The following XKR9 variants were observed in gnomAD, a reference collection of about 807,000 sequenced individuals.
The protein encoded by XKR9 is XK related 9.
A neutral mutation model predicts 32.0 loss-of-function variants in XKR9; 32 were observed. The ratio of observed to expected loss-of-function variants is 1.00; its 90% confidence interval spans 0.76 to 1.34. The LOEUF (loss-of-function observed/expected upper bound fraction) is 1.34, where lower values mean the gene tolerates loss of function less well. Ranked by LOEUF, XKR9 falls within the 40% of genes most tolerant of loss-of-function variation. The pLI is 0.00. For synonymous variants in XKR9, 168 were observed against 143.4 expected (o/e 1.17, Z -1.22); for missense variants, 546 against 429.7 (o/e 1.27, Z -2.39).
At chr8:70,739,014 C>G (rs1243821976), downstream of XKR9, among the ~76,000 whole-genome samples, 2 of 152,120 alleles carry the variant, frequency 1.3e-5, no homozygotes, top group Non-Finnish European at 2.9e-5. Flanking sequence ...AGTTCAATTC[C>G]TGGGTATCCT....
rs926129988 is a variant in XKR9, at chr8:70,760,485, G to A, written n.353-28854G>A. On this transcript the variant is annotated intron_variant and non_coding_transcript_variant, in intron 2 of 3. Coordinates refer to the XKR9 transcript ENST00000520273. Reference sequence around the variant, plus strand: ...TAGTCACTATGCCTTTTTTATTGGGGTAAAATATATGCAACATAAAACGTA... The same window carrying A: ...TAGTCACTATGCCTTTTTTATTGGGATAAAATATATGCAACATAAAACGTA... Among the ~76,000 whole-genome samples the A allele has an allele frequency of 1.1e-4, 16 of 152,068 alleles. 1 individual carries two copies. The highest frequency in any genetic ancestry group is 8.5e-4 in the Admixed American group (13 of 15,268).
At chr8:70,679,131 C>A (rs1206012824) in intron 2 of XKR9, among the ~76,000 whole-genome samples, 1 of 152,100 alleles carries the variant, frequency 6.6e-6, no homozygotes, top group African/African-American at 2.4e-5. Flanking sequence ...GTTGCTTCCT[C>A]TTCTTGTAAG....
chr8:70,802,346 C>G, the XKR9 span, among the ~76,000 whole-genome samples: 1 of 152,104 alleles, frequency 6.6e-6, no homozygotes, highest in African/African-American at 2.4e-5. Flanking sequence ...TTTTCTCTTT[C>G]CCTTTATTTT....
chr8:70,707,462 T>C (rs978798434), intron 4 of XKR9, among the ~76,000 whole-genome samples: 7 of 152,054 alleles, frequency 4.6e-5, no homozygotes, highest in East Asian at 1.9e-4. Flanking sequence ...ACTGTCTTTG[T>C]TTTTTGTGCC....
At chr8:70,784,535 T>C (rs1360068619) in intron 2 of XKR9, among the ~76,000 whole-genome samples, 2 of 152,102 alleles carry the variant, frequency 1.3e-5, no homozygotes, top group African/African-American at 4.8e-5. Flanking sequence ...TTTTTGTGCG[T>C]TGATTTTGTA....
chr8:70,971,033 T>C, the XKR9 span, among the ~76,000 whole-genome samples: 7 of 152,364 alleles, frequency 4.6e-5, no homozygotes, highest in Admixed American at 3.3e-4. Context: ...TTTAGTTCTT[T>C]AAGGAATCTC....
At chr8:70,748,789 C>T (rs1171099715) in intron 2 of XKR9, among the ~76,000 whole-genome samples, 1 of 152,188 alleles carries the variant, frequency 6.6e-6, no homozygotes, top group East Asian at 1.9e-4. Flanking sequence ...GTGCTTTTTC[C>T]AGGCTTGCCC....
the XKR9 span, among the ~76,000 whole-genome samples, chr8:70,841,759 C>G: frequency 6.6e-6 from 1 of 152,162 alleles, no homozygotes; most frequent in African/African-American, 2.4e-5. Flanking sequence ...ATAAATGATG[C>G]ATTCTCCTTG....
At chr8:70,836,050 G>T in the XKR9 span, among the ~76,000 whole-genome samples, 1 of 151,870 alleles carries the variant, frequency 6.6e-6, no homozygotes, top group Non-Finnish European at 1.5e-5. Flanking sequence ...TGCTATATTT[G>T]TCCTTTTACA....
the XKR9 span, among the ~76,000 whole-genome samples, chr8:70,810,357 C>T: frequency 6.6e-6 from 1 of 152,108 alleles, no homozygotes; most frequent in Non-Finnish European, 1.5e-5. Context: ...TAAAGACCAT[C>T]GAGGCTAGGA....
intron 3 of XKR9, among the ~76,000 whole-genome samples, chr8:70,686,934 A>G (rs1408797006): frequency 1.3e-5 from 2 of 152,160 alleles, no homozygotes; most frequent in Non-Finnish European, 2.9e-5. Flanking sequence ...TTATCACCTC[A>G]AGTATTTATT....
chr8:70,714,524 G>C (rs12547106), intron 4 of XKR9, among the ~76,000 whole-genome samples: 1 of 151,588 alleles, frequency 6.6e-6, no homozygotes, highest in Non-Finnish European at 1.5e-5. Context: ...CTTTTCTCTA[G>C]CGTGGTCGAT....
rs192202760 is a variant in XKR9, at chr8:70,723,415, T to C, written c.494-10381T>C. ...GCTTTTGGAATTTTCAGCATTTTTG[T>C]GCTGGTTATTCCTCATCTTCGTGGA... On this transcript the variant is annotated intron_variant, in intron 4 of 4. Transcript: ENST00000408926. 4.4e-3 allele frequency among the ~76,000 whole-genome samples: 673 copies of C among 152,344 alleles called. 7 individuals are homozygous for C. The highest frequency in any genetic ancestry group is 7.1e-3 in the Non-Finnish European group (484 of 68,026).
At chr8:71,052,357 A>T in the XKR9 span, among the ~76,000 whole-genome samples, 1 of 152,324 alleles carries the variant, frequency 6.6e-6, no homozygotes, top group South Asian at 2.1e-4. Context: ...AATCCCCGAC[A>T]GTGGGCCTGC....
the XKR9 span, among the ~76,000 whole-genome samples, chr8:71,017,229 C>T: frequency 6.6e-6 from 1 of 152,124 alleles, no homozygotes. Context: ...GGGTAGGCAA[C>T]AATGGGGATT....
At chr8:71,001,059 C>A in the XKR9 span, among the ~76,000 whole-genome samples, 2 of 152,308 alleles carry the variant, frequency 1.3e-5, no homozygotes, top group African/African-American at 4.8e-5. Context: ...AATAGGAAAT[C>A]TGTTTCCCAT....
the XKR9 span, among the ~76,000 whole-genome samples, chr8:70,954,641 C>T: frequency 1.3e-5 from 2 of 152,210 alleles, no homozygotes; most frequent in African/African-American, 4.8e-5. Flanking sequence ...GAGCCAACTT[C>T]TCTTTATCCT....
chr8:70,802,221 C>T, the XKR9 span, among the ~76,000 whole-genome samples: 7 of 152,180 alleles, frequency 4.6e-5, no homozygotes, highest in Admixed American at 1.3e-4. Flanking sequence ...CAGGCGTGAG[C>T]CACCGCGCCC....
At chr8:70,876,359 GCAC>G in the XKR9 span, among the ~76,000 whole-genome samples, 1 of 151,452 alleles carries the variant, frequency 6.6e-6, no homozygotes, top group Non-Finnish European at 1.5e-5. Flanking sequence ...TTACAGGTGT[GCAC>G]CACCACCCCC....
Sources: gnomAD v4.1 joint callset for allele counts (sites outside exome capture counted in the v4.1 genomes callset) on GRCh38, gnomAD v4.1.1 for gene constraint, MANE v1.5 for transcripts, NCBI Gene and HGNC (gene_info 2026-07-23, HGNC 2026-07-21) for gene names.